CNTN5: variants seen among roughly 807,000 people sequenced by gnomAD.
The protein encoded by CNTN5 is contactin 5.
In CNTN5, 77 loss-of-function variants were observed where a neutral mutation model predicts 129.1. That is an observed-to-expected ratio of 0.60 (90% confidence interval 0.50 to 0.72). CNTN5 has a LOEUF of 0.72. Ranked by LOEUF, CNTN5 falls within the 30% of genes least tolerant of loss-of-function variation. The pLI, the probability that CNTN5 is intolerant of heterozygous loss-of-function variation, is 0.00. For synonymous variants in CNTN5, 509 were observed against 465.6 expected (o/e 1.09, Z -1.20); for missense variants, 1,478 against 1,328.8 (o/e 1.11, Z -1.75).
At chr11:99,707,324 C>A (rs1954798647) in intron 3 of CNTN5, among the ~76,000 whole-genome samples, 1 of 151,536 alleles carries the variant, frequency 6.6e-6, no homozygotes, top group Non-Finnish European at 1.5e-5. Flanking sequence ...TAAGTCTTTT[C>A]ATTTTAACAT....
chr11:99,927,504 G>T (rs925890794), intron 7 of CNTN5, among the ~76,000 whole-genome samples: 2 of 152,134 alleles, frequency 1.3e-5, no homozygotes, highest in African/African-American at 2.4e-5. Context: ...AGGGCTGGGG[G>T]CCTCAGGAAA....
At chr11:100,343,122 T>C (rs1479363799) in intron 23 of CNTN5, among the ~76,000 whole-genome samples, 1 of 152,142 alleles carries the variant, frequency 6.6e-6, no homozygotes, top group African/African-American at 2.4e-5. Flanking sequence ...AAGAAACTGA[T>C]CGTTAAAAGT....
At chr11:99,828,539 A>G (rs1947040304) in intron 4 of CNTN5, among the ~76,000 whole-genome samples, 1 of 152,202 alleles carries the variant, frequency 6.6e-6, no homozygotes, top group Non-Finnish European at 1.5e-5. Flanking sequence ...TTACAATATC[A>G]ATTAACTTTT....
intron 17 of CNTN5, among the ~76,000 whole-genome samples, chr11:100,263,988 G>A (rs780440439): frequency 2.0e-5 from 3 of 151,966 alleles, no homozygotes; most frequent in Non-Finnish European, 2.9e-5. Context: ...TCCATGCTTC[G>A]CTAGTTACAC....
intron 1 of CNTN5, among the ~76,000 whole-genome samples, chr11:99,169,232 G>A (rs1008832806): frequency 1.3e-5 from 2 of 152,038 alleles, no homozygotes; most frequent in Non-Finnish European, 1.5e-5. Context: ...TAATAGTTAT[G>A]GCAGGCTTCC....
At chr11:100,297,747 G>C (rs1289908167) in intron 19 of CNTN5, 52 bp downstream of exon 19, 8 of 1,322,770 alleles carry the variant, frequency 6.0e-6, no homozygotes, top group Non-Finnish European at 8.5e-6. Flanking sequence ...GTTTGGCTTA[G>C]TGTGATATTT....
At chr11:99,096,780 A>C (rs988852749) in intron 1 of CNTN5, among the ~76,000 whole-genome samples, 5 of 151,728 alleles carry the variant, frequency 3.3e-5, no homozygotes, top group African/African-American at 1.2e-4. Context: ...ATACGTATGA[A>C]GGGTGTATCT....
chr11:100,237,075 G>C (rs1949632062), intron 16 of CNTN5, among the ~76,000 whole-genome samples: 2 of 151,336 alleles, frequency 1.3e-5, no homozygotes, highest in Non-Finnish European at 2.9e-5. Context: ...TCTAGTCCCA[G>C]CTACTGGGGA....
intron 2 of CNTN5, among the ~76,000 whole-genome samples, chr11:99,350,522 G>T (rs79440224): frequency 1.3e-5 from 2 of 152,046 alleles, no homozygotes; most frequent in African/African-American, 4.8e-5. Context: ...ACCAAAGAAA[G>T]TTTATTCATA....
chr11:100,143,671 A>G (rs1261413953), intron 13 of CNTN5, among the ~76,000 whole-genome samples: 1 of 152,158 alleles, frequency 6.6e-6, no homozygotes, highest in Non-Finnish European at 1.5e-5. Flanking sequence ...CCAGATTGTT[A>G]GTAATATGGT....
At chr11:100,292,400 G>T (rs975817447) in intron 18 of CNTN5, among the ~76,000 whole-genome samples, 4 of 151,954 alleles carry the variant, frequency 2.6e-5, no homozygotes, top group Admixed American at 2.0e-4. Context: ...TGACCACTTG[G>T]TTCACAGTAA....
At chr11:100,187,768 C>G (rs1408718063) in intron 13 of CNTN5, among the ~76,000 whole-genome samples, 1 of 152,144 alleles carries the variant, frequency 6.6e-6, no homozygotes, top group South Asian at 2.1e-4. Context: ...CCCTACCTCT[C>G]ACCATATACA....
At chr11:99,982,834 G>T (rs997608113) in intron 8 of CNTN5, among the ~76,000 whole-genome samples, 6 of 152,046 alleles carry the variant, frequency 3.9e-5, no homozygotes, top group African/African-American at 1.4e-4. Flanking sequence ...GTAGATACGG[G>T]GTTTCACCGT....
At chr11:99,880,874 G>A (rs1008373516) in intron 6 of CNTN5, among the ~76,000 whole-genome samples, 2 of 152,090 alleles carry the variant, frequency 1.3e-5, no homozygotes, top group African/African-American at 2.4e-5. Flanking sequence ...TTGTGAGGAA[G>A]CACAGGGAAA....
chr11:99,577,611 GC>G (rs1432723458), intron 3 of CNTN5, among the ~76,000 whole-genome samples: 2 of 151,894 alleles, frequency 1.3e-5, no homozygotes, highest in Non-Finnish European at 2.9e-5. Flanking sequence ...TTTCCATTGA[GC>G]CCGATCATTA....
chr11:99,219,637 C>CT (rs1447016036), intron 1 of CNTN5, among the ~76,000 whole-genome samples: 1 of 146,642 alleles, frequency 6.8e-6, no homozygotes, highest in Non-Finnish European at 1.5e-5. Flanking sequence ...ATGGCAAAGA[C>CT]TTTTTTGTCT....
At chr11:99,389,463 C>A (rs552110068) in intron 2 of CNTN5, among the ~76,000 whole-genome samples, 3 of 152,136 alleles carry the variant, frequency 2.0e-5, no homozygotes, top group African/African-American at 7.2e-5. Context: ...TCAAAAGGAG[C>A]CTGTTCTAGA....
intron 3 of CNTN5, among the ~76,000 whole-genome samples, chr11:99,626,138 G>T (rs1367903191): frequency 2.0e-5 from 3 of 151,968 alleles, no homozygotes; most frequent in Admixed American, 2.0e-4. Flanking sequence ...ATTGCAGGAA[G>T]AAGGAGTCAT....
rs181405161 is a variant in CNTN5, at chr11:99,890,467, T to C, written c.578-25587T>C. ...TGGATTATATATAAGATATATTCAA[T>C]GTTGAATATGTACATATGTATTCAA... is the stretch of plus-strand genomic sequence containing the variant. On this transcript the variant is annotated intron_variant, in intron 6 of 24. Transcript: ENST00000524871. Among the ~76,000 whole-genome samples the C allele has an allele frequency of 5.3e-5, 8 of 152,206 alleles. 1 individual carries two copies. Among genetic ancestry groups the C allele is most frequent in the Admixed American group, 4.6e-4 (7 of 15,274 alleles).
Sources: allele counts gnomAD v4.1 joint callset (sites outside exome capture counted in the v4.1 genomes callset), GRCh38; gene constraint gnomAD v4.1.1; transcripts MANE v1.5; gene names NCBI Gene and HGNC (gene_info 2026-07-23, HGNC 2026-07-21).